NOL4L: variants seen among roughly 807,000 people sequenced by gnomAD.
The protein encoded by NOL4L is nucleolar protein 4 like.
In NOL4L, 7 loss-of-function variants were observed where a neutral mutation model predicts 64.5. The ratio of observed to expected loss-of-function variants is 0.11; its 90% CI spans 0.06 to 0.20. NOL4L has a LOEUF of 0.20. NOL4L is among the 10% of genes least tolerant of loss of function. The probability of loss-of-function intolerance (pLI) is 1.00; values close to 1 mark genes in which losing one functional copy is unlikely to be tolerated. For missense variants in NOL4L, 680 were observed against 967.1 expected (o/e 0.70, Z 3.94); for synonymous variants, 413 against 401.0 (o/e 1.03, Z -0.36).
chr20:32,459,227 G>A (rs1483542911), intron 5 of NOL4L, among the ~76,000 whole-genome samples: 2 of 151,662 alleles, frequency 1.3e-5, no homozygotes, highest in Non-Finnish European at 2.9e-5. Flanking sequence ...AAATATTGGC[G>A]ACTCAGTTAC....
intron 3 of NOL4L, among the ~76,000 whole-genome samples, chr20:32,513,860 A>G (rs1258365600): frequency 6.6e-6 from 1 of 152,212 alleles, no homozygotes; most frequent in Non-Finnish European, 1.5e-5. Context: ...CAACAGAAAC[A>G]AACAAACAAA....
At chr20:32,571,249 G>A (rs1005718559) in intron 1 of NOL4L, among the ~76,000 whole-genome samples, 6 of 152,124 alleles carry the variant, frequency 3.9e-5, no homozygotes, top group Admixed American at 2.0e-4. Context: ...GTGCAGTGGC[G>A]CGATCTTGGC....
At chr20:32,538,383 C>T (rs187347002) in intron 1 of NOL4L, among the ~76,000 whole-genome samples, 24 of 152,148 alleles carry the variant, frequency 1.6e-4, no homozygotes, top group African/African-American at 5.5e-4. Context: ...TCCCCAGTGG[C>T]GGCGGGTGTC....
rs958708274 is a variant in NOL4L at position 32,453,527 on chromosome 20, C to T, written c.1306-32G>A. ...AGACACGGGCCATGGGAAGGGCTGG[C>T]CCTGGCCTTGCCCCCATCCCACCCC... On this transcript the variant is annotated intron_variant, in intron 7 of 10. Coordinates refer to ENST00000621426, the MANE Select transcript of NOL4L (RefSeq NM_001256798.2). The surrounding 1 kb of genome is among the most constrained non-coding windows in gnomAD (Gnocchi z 5.6). 6.2e-7 allele frequency: 1 copy of T among 1,613,568 alleles called. No homozygotes were observed. Among genetic ancestry groups the T allele is most frequent in the South Asian group, 1.1e-5 (1 of 91,088 alleles).
At chr20:32,569,508 T>C (rs73248082) in intron 1 of NOL4L, among the ~76,000 whole-genome samples, 1,833 of 152,138 alleles carry the variant, frequency 0.012, 43 homozygotes, top group African/African-American at 0.041. Context: ...GAGGTAGTGA[T>C]GGAAAAGGCC....
chr20:32,571,007 G>A (rs531184136), intron 1 of NOL4L, among the ~76,000 whole-genome samples: 3 of 152,148 alleles, frequency 2.0e-5, no homozygotes, highest in South Asian at 2.1e-4. Context: ...GCCACACAGC[G>A]ACTATGCAGT....
chr20:32,514,000 C>CA (rs1368221738), intron 3 of NOL4L, among the ~76,000 whole-genome samples: 3 of 152,202 alleles, frequency 2.0e-5, no homozygotes, highest in African/African-American at 7.2e-5. Flanking sequence ...AGGATAGGAA[C>CA]AGCCCTGCAG....
At chr20:32,527,456 G>A (rs2018173486) in intron 2 of NOL4L, among the ~76,000 whole-genome samples, 1 of 152,144 alleles carries the variant, frequency 6.6e-6, no homozygotes, top group South Asian at 2.1e-4. Flanking sequence ...GGTGTCGGGT[G>A]GGAGCAAGTG....
intron 4 of NOL4L, among the ~76,000 whole-genome samples, chr20:32,506,912 C>T (rs2145547087): frequency 6.6e-6 from 1 of 152,264 alleles, no homozygotes; most frequent in Middle Eastern, 3.4e-3. Context: ...ATCACGTGGG[C>T]TCAGACAATG....
chr20:32,451,966 G>C (rs1047400029), intron 10 of NOL4L, among the ~76,000 whole-genome samples: 1 of 152,242 alleles, frequency 6.6e-6, no homozygotes, highest in African/African-American at 2.4e-5. Flanking sequence ...AAGGTGGGAA[G>C]TGTTGGAGCA....
At position 32,444,753 on chromosome 20, in the gene NOL4L, T is replaced by G. The variant is rs1317686951; in HGVS notation, c.*2843A>C. 2 of 152,242 alleles carry G rather than the reference T, an allele frequency of 1.3e-5. No individual in the cohort carries two copies. Among genetic ancestry groups the G allele is most frequent in the African/African-American group, 4.8e-5 (2 of 41,464 alleles). The allele number at this position is 152,242 out of a possible 1,614,324, so 9.4% of individuals were successfully genotyped here. ...TTCCTTTTTAACTTAGGATCCCAAA[T>G]GATCACTTTGTGCCCTGAGGCCCTT... is the stretch of plus-strand genomic sequence containing the variant. On this transcript the variant is annotated 3_prime_UTR_variant, in exon 11 of 11. Transcript: ENST00000621426.
chr20:32,500,259 A>C (rs761787059), intron 4 of NOL4L, among the ~76,000 whole-genome samples: 7 of 152,054 alleles, frequency 4.6e-5, no homozygotes, highest in Non-Finnish European at 1.0e-4. Context: ...AGGTTTGCCC[A>C]GGCTGGTCTT....
In NOL4L at chr20:32,578,138, AGGAGGGAG is replaced by A. The variant is rs1203991256; in HGVS notation, c.321+6424_321+6431del. Reference sequence around the variant, plus strand: ...AAGGAAGGAAGGAAGGAAGGAAGGAAGGAGGGAGGGAGGGAGGGAGGGAGGGAGGGAGG... The same window carrying A: ...AAGGAAGGAAGGAAGGAAGGAAGGAAGGAGGGAGGGAGGGAGGGAGGGAGG... On this transcript the variant is annotated intron_variant, in intron 1 of 10. Coordinates refer to ENST00000621426, the MANE Select transcript of NOL4L (RefSeq NM_001256798.2). Among the ~76,000 whole-genome samples, 45 of 50,240 alleles carry A rather than the reference AGGAGGGAG, an allele frequency of 9.0e-4. 1 individual carries two copies. The highest frequency in any genetic ancestry group is 4.6e-3 in the African/African-American group (38 of 8,330). The allele number at this position is 50,240 out of a possible 152,430, so 33.0% of individuals were successfully genotyped here. A position where few individuals can be genotyped will look rare whatever the true frequency, so the allele number is the denominator to read the frequency against.
At chr20:32,550,528 T>C (rs1268360821) in intron 1 of NOL4L, among the ~76,000 whole-genome samples, 2 of 152,140 alleles carry the variant, frequency 1.3e-5, no homozygotes, top group African/African-American at 4.8e-5. Flanking sequence ...AGCTGATCAC[T>C]TGAGGTCAGG....
chr20:32,488,827 T>TTCTTTTTC (rs11483298), intron 4 of NOL4L, among the ~76,000 whole-genome samples: 3 of 33,136 alleles, frequency 9.1e-5, no homozygotes, highest in Non-Finnish European at 1.6e-4. Flanking sequence ...CTTTCTTTCT[T>TTCTTTTTC]TTTCTTTCTT....
In NOL4L at chr20:32,474,674, G is replaced by T. The variant is rs1382822938; in HGVS notation, c.768C>A (p.His256Gln). ...SDSTWMSADP[H>Q]LASSLSPSQD... ...GGCTGGGGCTCAGGCTGGAGGCCAG[G>T]TGCGGGTCAGCTGACATCCATGTGG... The change falls in exon 5 of 11, where the codon CAC (histidine) becomes CAA (glutamine). Residue 256 changes from histidine to glutamine, a missense_variant. Physicochemically the swap from His to Gln is conservative, Grantham distance 24 (BLOSUM62 0). Around this residue, in one of 4 missense-constraint regions of NOL4L, gnomAD observed 254 missense variants for 238.7 expected, o/e 1.06. Coordinates refer to ENST00000621426, the MANE Select transcript of NOL4L (RefSeq NM_001256798.2). 9.3e-6 allele frequency: 15 copies of T among 1,613,738 alleles called. No homozygotes were observed. The highest frequency in any genetic ancestry group is 1.3e-5 in the Non-Finnish European group (15 of 1,179,998).
chr20:32,448,412 GGA>G lies in NOL4L; in HGVS notation c.1823-598_1823-597del, dbSNP rs1305845694. ...ACAAGAAAGGGGCTTCTGTCCAGCT[GGA>G]GAGAGGCCAGCTGCCCTGGTTGTCT... On this transcript the variant is annotated intron_variant, in intron 10 of 10. Coordinates refer to ENST00000621426, the MANE Select transcript of NOL4L (RefSeq NM_001256798.2). Among the ~76,000 whole-genome samples the G allele has an allele frequency of 2.6e-5, 4 of 152,234 alleles. No homozygotes were observed. The East Asian group carries it at 7.7e-4, about 29-fold the overall frequency.
intron 1 of NOL4L, among the ~76,000 whole-genome samples, chr20:32,533,136 C>CA (rs1290745220): frequency 2.0e-5 from 3 of 151,870 alleles, no homozygotes; most frequent in Admixed American, 1.3e-4. Flanking sequence ...AAAACAAAAA[C>CA]AAAAAAAACC....
At chr20:32,526,500 ATT>A (rs1354596098) in intron 2 of NOL4L, among the ~76,000 whole-genome samples, 1 of 146,258 alleles carries the variant, frequency 6.8e-6, no homozygotes, top group Non-Finnish European at 1.5e-5. Context: ...GGATGGTTGC[ATT>A]AAAAAAAAAA....
Sources: gnomAD v4.1 joint callset for allele counts (sites outside exome capture counted in the v4.1 genomes callset) on GRCh38, gnomAD v4.1.1 for gene constraint, gnomAD v4.1.1 regional missense constraint, Gnocchi (gnomAD v3.1) non-coding constraint, MANE v1.5 for transcripts, NCBI Gene and HGNC (gene_info 2026-07-23, HGNC 2026-07-21) for gene names.